SETX: variants seen among roughly 807,000 people sequenced by gnomAD.
SETX encodes the protein senataxin, also known as helicase senataxin.
SETX carries 90 observed loss-of-function variants against 227.2 expected under a neutral mutation model. The observed-to-expected ratio is 0.40, with a 90% CI of 0.33 to 0.47. The LOEUF is 0.47. SETX is among the 20% of genes least tolerant of loss of function. SETX has a pLI of 0.91. For missense variants in SETX, 3,052 were observed against 3,181.5 expected (o/e 0.96, Z 0.98); for synonymous variants, 1,210 against 1,113.2 (o/e 1.09, Z -1.73).
chr9:132,293,533 C>T (rs1169567019), intron 15 of SETX, among the ~76,000 whole-genome samples: 5 of 152,018 alleles, frequency 3.3e-5, no homozygotes, highest in Admixed American at 3.3e-4. Context: ...GTGATTCTCC[C>T]GCCTCAGCCT....
chr9:132,345,812 TTCAACACCAGC>T (rs1262839628), intron 4 of SETX, among the ~76,000 whole-genome samples: 1 of 151,162 alleles, frequency 6.6e-6, no homozygotes, highest in Non-Finnish European at 1.5e-5. Context: ...AGCCCAGGAG[TTCAACACCAGC>T]CTGGGCAACA....
intron 10 of SETX, among the ~76,000 whole-genome samples, chr9:132,320,325 C>T (rs923272888): frequency 2.0e-5 from 3 of 152,138 alleles, no homozygotes; most frequent in African/African-American, 7.2e-5. Flanking sequence ...CCTGTAATCC[C>T]AGCACTTTGG....
Position 132,314,906 on chromosome 9 carries a change from G to GTTTT in SETX, c.5275-3054_5275-3051dup, listed in dbSNP as rs559979271. Among the ~76,000 whole-genome samples the GTTTT allele has an allele frequency of 4.4e-4, 39 of 88,476 alleles. 1 individual carries two copies. Among genetic ancestry groups the GTTTT allele is most frequent in the African/African-American group, 6.8e-4 (15 of 21,988 alleles). 58.0% of individuals were successfully genotyped at this position (88,476 alleles called of 152,430 possible). A position where few individuals can be genotyped will look rare whatever the true frequency, so the allele number is the denominator to read the frequency against. On this transcript the variant is annotated intron_variant, in intron 10 of 25. Transcript: ENST00000224140. Reference sequence around the variant, plus strand: ...ATTATTATTATTATTATTTTATTGTGTTTTTTTTTTTTTTTTTTTTTTTGG... The same window carrying GTTTT: ...ATTATTATTATTATTATTTTATTGTGTTTTTTTTTTTTTTTTTTTTTTTTTTTGG...
At chr9:132,319,031 G>A (rs1020028297) in intron 10 of SETX, among the ~76,000 whole-genome samples, 1 of 152,168 alleles carries the variant, frequency 6.6e-6, no homozygotes, top group Admixed American at 6.5e-5. Context: ...ACTCCCAAAA[G>A]AGAGGGCCAT....
rs2131253892 is a variant in SETX at position 132,289,842 on chromosome 9, T to C, written c.6107-1191A>G. On this transcript the variant is annotated intron_variant, in intron 15 of 25. Coordinates refer to ENST00000224140, the MANE Select transcript of SETX (RefSeq NM_015046.7). ...TTTAATCTCAGGTTAACACATTGCTTTCTTCTTGTCCTTTTGGTTTTAATG... is the reference window on the plus strand; with the variant it reads ...TTTAATCTCAGGTTAACACATTGCTCTCTTCTTGTCCTTTTGGTTTTAATG... 2.6e-5 allele frequency among the ~76,000 whole-genome samples: 4 copies of C among 152,338 alleles called. No homozygotes were observed. In the East Asian group the frequency reaches 7.7e-4, roughly 29 times the overall value.
rs558028350 is a variant in SETX, at chr9:132,341,929, T to A, written c.498+761A>T. On this transcript the variant is annotated intron_variant, in intron 5 of 25. Coordinates refer to ENST00000224140, the MANE Select transcript of SETX (RefSeq NM_015046.7). ...GTTTTCCTTTGGAGGAATGTGATTA[T>A]ACCCCTTTAATTTCCTCCTTTTGCT... is the stretch of plus-strand genomic sequence containing the variant. 4.5e-4 allele frequency among the ~76,000 whole-genome samples: 68 copies of A among 152,222 alleles called. 1 individual carries two copies. The highest frequency in any genetic ancestry group is 7.9e-4 in the Non-Finnish European group (54 of 68,042).
intron 5 of SETX, among the ~76,000 whole-genome samples, chr9:132,342,124 G>A (rs1377980314): frequency 6.6e-6 from 1 of 152,032 alleles, no homozygotes; most frequent in Non-Finnish European, 1.5e-5. Flanking sequence ...CTCAGTTCTA[G>A]GTGGCATTAG....
chr9:132,308,969 C>A (rs1029668723), intron 11 of SETX, among the ~76,000 whole-genome samples: 2 of 152,100 alleles, frequency 1.3e-5, no homozygotes, highest in African/African-American at 2.4e-5. Context: ...GAAACCCCGT[C>A]TCCACTAAAA....
intron 15 of SETX, among the ~76,000 whole-genome samples, chr9:132,293,557 G>A (rs1844469426): frequency 6.6e-6 from 1 of 152,088 alleles, no homozygotes; most frequent in Non-Finnish European, 1.5e-5. Flanking sequence ...GAGAAGCTGA[G>A]ATTACAGACC....
intron 5 of SETX, among the ~76,000 whole-genome samples, chr9:132,342,100 G>A (rs1435615885): frequency 6.6e-6 from 1 of 152,018 alleles, no homozygotes; most frequent in Non-Finnish European, 1.5e-5. Context: ...CTGGCTACTG[G>A]CTTAATGTAG....
rs199756746 is a variant in SETX at position 132,328,321 on chromosome 9, A to C, written c.3277T>G (p.Trp1093Gly). The change falls in exon 10 of 26, where the codon TGG becomes GGG. Residue 1093 changes from tryptophan (W) to glycine (G), a missense_variant. Trp to Gly is a radical substitution (Grantham distance 184, BLOSUM62 -2). Coordinates refer to ENST00000224140, the MANE Select transcript of SETX (RefSeq NM_015046.7). ...FESSSEVFSV[W>G]QDHPDDNNSV... ...TTATTATCGTCTGGATGATCTTGCC[A>C]AACTGAAAACACTTCAGATGAACTT... The C allele has an allele frequency of 4.3e-6, 7 of 1,614,052 alleles. No individual in the cohort carries two copies. Among genetic ancestry groups the C allele is most frequent in the Non-Finnish European group, 5.9e-6 (7 of 1,180,008 alleles).
At chr9:132,310,794 T>C (rs1845603877) in intron 11 of SETX, among the ~76,000 whole-genome samples, 1 of 152,190 alleles carries the variant, frequency 6.6e-6, no homozygotes, top group African/African-American at 2.4e-5. Flanking sequence ...TCCCTCCTCC[T>C]CTTCATCTAT....
chr9:132,328,550 A>C lies in SETX; in HGVS notation c.3048T>G (p.Ile1016Met), dbSNP rs1360687553. The C allele has an allele frequency of 1.9e-6, 3 of 1,613,922 alleles. No individual in the cohort carries two copies. Among genetic ancestry groups the C allele is most frequent in the Non-Finnish European group, 2.5e-6 (3 of 1,179,974 alleles). ...CATCATCATCATCATCAGAATCTGA[A>C]ATAATAATAACCTGTCCACGGGAGG... ...GDTSRGQVII[I>M]SDSDDDDDER... is the part of the protein sequence containing the mutation. Residue 1016 changes from isoleucine (I) to methionine (M), a missense_variant, in exon 10 of 26, where the codon ATT (isoleucine) becomes ATG (methionine). Ile to Met is a conservative substitution (Grantham distance 10). This residue lies in a region of SETX where 1,483 missense variants were observed against 1,312.0 expected (regional missense o/e 1.13). Coordinates refer to ENST00000224140, the MANE Select transcript of SETX (RefSeq NM_015046.7).
intron 4 of SETX, among the ~76,000 whole-genome samples, chr9:132,344,740 T>A (rs1848192466): frequency 6.6e-6 from 1 of 151,786 alleles, no homozygotes; most frequent in South Asian, 2.1e-4. Flanking sequence ...CCAGGTGTAG[T>A]GGCAGGCGCC....
chr9:132,284,136 G>A (rs562768368), intron 18 of SETX, among the ~76,000 whole-genome samples: 22 of 152,210 alleles, frequency 1.4e-4, no homozygotes, highest in Admixed American at 1.2e-3. Context: ...GGAAGAGGGT[G>A]GCACTGTGGT....
At chr9:132,349,555 A>C (rs1385429459) in intron 2 of SETX, 120 bp from the exon 3 acceptor site, 3 of 953,020 alleles carry the variant, frequency 3.1e-6, no homozygotes, top group Non-Finnish European at 3.3e-6. Context: ...ACTAAAACCC[A>C]AATCTTCTGC....
At position 132,288,324 on chromosome 9, in the gene SETX, G is replaced by A. The variant is rs767898864; in HGVS notation, c.6236C>T (p.Ala2079Val). ...MKKELPSHVQ[A>V]MHKRKEFLDY... is the part of the protein sequence containing the mutation. ...TAGAAATTCCTTTCTTTTATGCATC[G>A]CCTGAACATGAGAAGGTAACTCTTT... The change falls in exon 17 of 26, where the codon GCG (alanine) becomes GTG (valine). Residue 2079 changes from alanine to valine, a missense_variant. Ala to Val is a moderately conservative substitution (Grantham distance 64, BLOSUM62 0). Coordinates refer to ENST00000224140, the MANE Select transcript of SETX (RefSeq NM_015046.7). 3.7e-6 allele frequency: 6 copies of A among 1,613,536 alleles called. No individual in the cohort carries two copies. In the African/African-American group the frequency reaches 4.0e-5, roughly 11 times the overall value.
In SETX at chr9:132,292,517, A is replaced by G. The variant is rs529308208; in HGVS notation, c.6106+3355T>C. ...TTACTTATTCTGTTAAAAAAAAGAC[A>G]ACAAATAAAGACAACAAATACAATA... On this transcript the variant is annotated intron_variant, in intron 15 of 25. Coordinates refer to ENST00000224140, the MANE Select transcript of SETX (RefSeq NM_015046.7). Among the ~76,000 whole-genome samples, 3 of 151,930 alleles carry G rather than the reference A, an allele frequency of 2.0e-5. No homozygotes were observed. The East Asian group carries it at 5.9e-4, about 30-fold the overall frequency.
chr9:132,319,298 T>G (rs1846184640), intron 10 of SETX, among the ~76,000 whole-genome samples: 1 of 152,186 alleles, frequency 6.6e-6, no homozygotes, highest in South Asian at 2.1e-4. Flanking sequence ...GCATTTATGC[T>G]TACCTTTCTA....
Sources: allele counts gnomAD v4.1 joint callset (sites outside exome capture counted in the v4.1 genomes callset), GRCh38; gene constraint gnomAD v4.1.1; regional missense constraint gnomAD v4.1.1; transcripts MANE v1.5; gene names NCBI Gene and HGNC (gene_info 2026-07-23, HGNC 2026-07-21).